Variants in MCPH1 observed in about 807,000 individuals in gnomAD.
MCPH1 encodes the protein microcephalin.
MCPH1 carries 104 observed loss-of-function variants against 84.5 expected under a neutral mutation model. That is an observed-to-expected ratio of 1.23 (90% CI 1.05 to 1.45). The LOEUF (loss-of-function observed/expected upper bound fraction) is 1.45, where lower values mean the gene tolerates loss of function less well. Ranked by LOEUF, MCPH1 falls within the 40% of genes most tolerant of loss-of-function variation. The pLI, the probability that MCPH1 is intolerant of heterozygous loss-of-function variation, is 0.00. For missense variants in MCPH1, 1,498 were observed against 1,005.7 expected (o/e 1.49, Z -6.62); for synonymous variants, 514 against 366.8 (o/e 1.40, Z -4.58).
chr8:6,647,452 G>T lies in MCPH1; in HGVS notation c.*4403G>T, dbSNP rs527308655. The T allele has an allele frequency of 2.0e-5, 3 of 152,252 alleles. No individual in the cohort carries two copies. Among genetic ancestry groups the T allele is most frequent in the Admixed American group, 2.0e-4 (3 of 15,292 alleles). 9.4% of individuals were successfully genotyped at this position (152,252 alleles called of 1,614,324 possible). A position where few individuals can be genotyped will look rare whatever the true frequency, so the allele number is the denominator to read the frequency against. On this transcript the variant is annotated 3_prime_UTR_variant, in exon 14 of 14. Coordinates refer to ENST00000344683, the MANE Select transcript of MCPH1 (RefSeq NM_024596.5). Reference sequence around the variant, plus strand: ...TATAACCAAAATACATGAAAACATGGATCTGCACAAGGTCTTGTATACAAA... The same window carrying T: ...TATAACCAAAATACATGAAAACATGTATCTGCACAAGGTCTTGTATACAAA...
intron 8 of MCPH1, chr8:6,445,966 T>C: frequency 1.0e-6 from 1 of 981,414 alleles, no homozygotes; most frequent in Non-Finnish European, 1.2e-6. Context: ...GAAATTAAGG[T>C]AGATTAAGCC....
chr8:6,452,990 G>A (rs1000753891), intron 8 of MCPH1, among the ~76,000 whole-genome samples: 1 of 152,210 alleles, frequency 6.6e-6, no homozygotes, highest in African/African-American at 2.4e-5. Flanking sequence ...GGGAGGTCTA[G>A]ACAAGGTACA....
At chr8:6,481,066 A>G (rs1369928242) in intron 11 of MCPH1, among the ~76,000 whole-genome samples, 190 bp downstream of exon 11, 1 of 152,188 alleles carries the variant, frequency 6.6e-6, no homozygotes, top group Non-Finnish European at 1.5e-5. Context: ...ACCAGGGCCA[A>G]GTTCTGGGGC....
chr8:6,570,423 T>G (rs1826557201), intron 12 of MCPH1, among the ~76,000 whole-genome samples: 1 of 152,218 alleles, frequency 6.6e-6, no homozygotes, highest in South Asian at 2.1e-4. Flanking sequence ...GAAAGCTCTT[T>G]GCCATATGTG....
At position 6,591,159 on chromosome 8, in the gene MCPH1, C is replaced by T. The variant is rs571178621; in HGVS notation, c.2215-30295C>T. On this transcript the variant is annotated intron_variant, in intron 12 of 13. Transcript: ENST00000344683. ...TGATCAGCCCGCCTTGGCCTCCCAA[C>T]GTGCTGGGATTACAGGCGTGAGCCA... Among the ~76,000 whole-genome samples the T allele has an allele frequency of 8.5e-5, 13 of 152,320 alleles. No individual in the cohort carries two copies. The South Asian group carries it at 1.2e-3, about 15-fold the overall frequency.
At chr8:6,635,333 G>A (rs1432788237) in intron 13 of MCPH1, 1 of 152,268 alleles carries the variant, frequency 6.6e-6, no homozygotes, top group East Asian at 1.9e-4. Context: ...TGGAGCTCAG[G>A]TGTGATGGGT....
intron 8 of MCPH1, among the ~76,000 whole-genome samples, chr8:6,452,776 T>C (rs532184298): frequency 2.0e-5 from 3 of 152,332 alleles, no homozygotes; most frequent in African/African-American, 7.2e-5. Flanking sequence ...AACCCGACCA[T>C]GGGGGCACCG....
intron 9 of MCPH1, among the ~76,000 whole-genome samples, chr8:6,457,298 T>C (rs545879366): frequency 6.6e-6 from 1 of 151,832 alleles, no homozygotes; most frequent in Non-Finnish European, 1.5e-5. Context: ...AGGTTTTAAA[T>C]GCAGATTTTC....
chr8:6,459,111 T>C (rs1263805341), intron 9 of MCPH1, among the ~76,000 whole-genome samples: 2 of 152,244 alleles, frequency 1.3e-5, no homozygotes, highest in African/African-American at 2.4e-5. Flanking sequence ...AAGGATTGAA[T>C]TGGTGAATTA....
chr8:6,563,892 A>G (rs148403544), intron 12 of MCPH1, among the ~76,000 whole-genome samples: 1 of 152,316 alleles, frequency 6.6e-6, no homozygotes, highest in Non-Finnish European at 1.5e-5. Context: ...TATTCACTCT[A>G]AAAATACACT....
intron 12 of MCPH1, among the ~76,000 whole-genome samples, chr8:6,615,018 T>G (rs550333454): frequency 1.3e-5 from 2 of 152,194 alleles, no homozygotes; most frequent in Admixed American, 6.5e-5. Flanking sequence ...GTTTCTAAGG[T>G]CCCCAGTAAC....
intron 11 of MCPH1, among the ~76,000 whole-genome samples, chr8:6,483,394 G>A (rs555173295): frequency 3.9e-5 from 6 of 152,330 alleles, no homozygotes; most frequent in South Asian, 4.1e-4. Context: ...AGAACAAGGA[G>A]GAGGACTGGC....
intron 12 of MCPH1, among the ~76,000 whole-genome samples, chr8:6,514,094 C>G (rs541517669): frequency 6.6e-6 from 1 of 152,160 alleles, no homozygotes; most frequent in Admixed American, 6.5e-5. Context: ...CCAGCAGAAG[C>G]CTTGGCATAA....
At chr8:6,572,226 C>G (rs1826717876) in intron 12 of MCPH1, among the ~76,000 whole-genome samples, 1 of 152,080 alleles carries the variant, frequency 6.6e-6, no homozygotes, top group African/African-American at 2.4e-5. Context: ...AAGCCTGAAA[C>G]TATTCTAGTA....
rs759811955 is a variant in MCPH1 at position 6,621,592 on chromosome 8, C to A, written c.2353C>A (p.Arg785=). 1 of 1,614,178 alleles carries A rather than the reference C, an allele frequency of 6.2e-7. No individual in the cohort carries two copies. The highest frequency in any genetic ancestry group is 1.1e-5 in the South Asian group (1 of 91,084). The change falls in exon 13 of 14, where the codon CGG becomes AGG. Residue 785 remains arginine (R), a synonymous_variant. Coordinates refer to ENST00000344683, the MANE Select transcript of MCPH1 (RefSeq NM_024596.5). Reference sequence around the variant, plus strand: ...TGAACTAGTCCACCTGTGCGGAGGCCGGGTCAGCCAAGTCCCCCGCCAGGC... The same window carrying A: ...TGAACTAGTCCACCTGTGCGGAGGCAGGGTCAGCCAAGTCCCCCGCCAGGC... ...LCELVHLCGG[R]VSQVPRQASI... is the part of the protein sequence containing the mutation.
chr8:6,478,121 G>T (rs1029501137), intron 10 of MCPH1, among the ~76,000 whole-genome samples: 5 of 152,152 alleles, frequency 3.3e-5, no homozygotes, highest in Non-Finnish European at 1.5e-5. Context: ...CTTTGCAACA[G>T]ATTTTTGAAT....
At chr8:6,417,263 G>C (rs1451175937) in intron 3 of MCPH1, among the ~76,000 whole-genome samples, 2 of 152,170 alleles carry the variant, frequency 1.3e-5, no homozygotes, top group African/African-American at 2.4e-5. Flanking sequence ...GATTGGTAAA[G>C]TTTTCTGTAA....
At chr8:6,474,399 G>A in intron 9 of MCPH1, 1 of 281,662 alleles carries the variant, frequency 3.6e-6, no homozygotes, top group Non-Finnish European at 6.7e-6. Flanking sequence ...GGAGTCTGTG[G>A]GGTCAAAACT....
chr8:6,467,984 A>G (rs1333089832), intron 9 of MCPH1, among the ~76,000 whole-genome samples: 1 of 152,132 alleles, frequency 6.6e-6, no homozygotes, highest in East Asian at 1.9e-4. Flanking sequence ...AAATCCATGA[A>G]TTTGCATATT....
Sources: gnomAD v4.1 joint callset for allele counts (sites outside exome capture counted in the v4.1 genomes callset) on GRCh38, gnomAD v4.1.1 for gene constraint, MANE v1.5 for transcripts, NCBI Gene and HGNC (gene_info 2026-07-23, HGNC 2026-07-21) for gene names.